Variants in PAN3 observed in about 807,000 individuals in gnomAD.
PAN3 encodes the protein poly(A) specific ribonuclease subunit PAN3.
In PAN3, 19 loss-of-function variants were observed where a neutral mutation model predicts 96.2. The observed-to-expected ratio is 0.20, with a 90% CI of 0.14 to 0.29. PAN3 has a LOEUF of 0.29. PAN3 is among the 10% of genes least tolerant of loss of function. The pLI, the probability that PAN3 is intolerant of heterozygous loss-of-function variation, is 1.00. For missense variants in PAN3, 882 were observed against 1,108.1 expected, an observed-to-expected ratio of 0.80 and a Z score of 2.90; for synonymous variants, 433 against 406.6, an observed-to-expected ratio of 1.06 and a Z score of -0.78.
chr13:28,141,882 A>G (rs1046818250), intron 1 of PAN3, among the ~76,000 whole-genome samples: 11 of 152,172 alleles, frequency 7.2e-5, no homozygotes, highest in African/African-American at 2.7e-4. Flanking sequence ...AAATATTAGC[A>G]GTGGCTCAAA....
chr13:28,264,223 A>G (rs1001530009), intron 9 of PAN3, among the ~76,000 whole-genome samples: 13 of 152,162 alleles, frequency 8.5e-5, no homozygotes, highest in African/African-American at 2.9e-4. Flanking sequence ...TGATAAATTG[A>G]TGCTCTTTTA....
At chr13:28,145,757 ATTTTT>A (rs895808998) in intron 1 of PAN3, among the ~76,000 whole-genome samples, 3 of 124,462 alleles carry the variant, frequency 2.4e-5, no homozygotes, top group Non-Finnish European at 3.4e-5. Flanking sequence ...TGCCAAGCTA[ATTTTT>A]TTTTTTTTTT....
intron 14 of PAN3, chr13:28,272,334 T>C (rs1886689750): frequency 4.1e-6 from 1 of 241,132 alleles, no homozygotes; most frequent in East Asian, 7.9e-5. Context: ...GCAGTGGTGC[T>C]GTCAGCTCAC....
chr13:28,165,903 T>C lies in PAN3; in HGVS notation c.431-8369T>C, dbSNP rs118179981. 2.6e-5 allele frequency among the ~76,000 whole-genome samples: 4 copies of C among 152,164 alleles called. No homozygotes were observed. The East Asian group carries it at 7.7e-4, about 29-fold the overall frequency. On this transcript the variant is annotated intron_variant, in intron 1 of 18. Transcript: ENST00000380958. Reference sequence around the variant, plus strand: ...TAATTCCATTAGCATCATGGCATGGTCCACCCTCATGACTTAATCACCATC... The same window carrying C: ...TAATTCCATTAGCATCATGGCATGGCCCACCCTCATGACTTAATCACCATC...
At chr13:28,198,855 T>G (rs1878380799) in intron 5 of PAN3, among the ~76,000 whole-genome samples, 1 of 152,198 alleles carries the variant, frequency 6.6e-6, no homozygotes, top group Non-Finnish European at 1.5e-5. Context: ...AGTATTTTGT[T>G]CTGTTTATTA....
intron 6 of PAN3, among the ~76,000 whole-genome samples, chr13:28,247,610 A>G (rs1361129215): frequency 6.6e-6 from 1 of 152,184 alleles, no homozygotes; most frequent in Non-Finnish European, 1.5e-5. Context: ...TGCATATGGT[A>G]AGAGAAAGGA....
At chr13:28,236,155 C>G (rs1242341631) in intron 6 of PAN3, among the ~76,000 whole-genome samples, 1 of 152,148 alleles carries the variant, frequency 6.6e-6, no homozygotes, top group African/African-American at 2.4e-5. Flanking sequence ...CATTTTTAAG[C>G]ATTTTAATGA....
At chr13:28,237,704 G>GA (rs1883239093) in intron 6 of PAN3, among the ~76,000 whole-genome samples, 1 of 152,136 alleles carries the variant, frequency 6.6e-6, no homozygotes, top group Non-Finnish European at 1.5e-5. Flanking sequence ...AATTAACTTT[G>GA]TATCCCTCAA....
intron 9 of PAN3, among the ~76,000 whole-genome samples, chr13:28,264,800 TC>T (rs1886024653): frequency 6.6e-6 from 1 of 152,184 alleles, no homozygotes; most frequent in South Asian, 2.1e-4. Flanking sequence ...GGATCCCACT[TC>T]AGATTGTATC....
At chr13:28,229,190 G>C (rs1417030122) in intron 6 of PAN3, among the ~76,000 whole-genome samples, 1 of 152,144 alleles carries the variant, frequency 6.6e-6, no homozygotes, top group Admixed American at 6.5e-5. Context: ...TTTAACAGTT[G>C]ATCCTGGTTA....
In PAN3 at chr13:28,277,496, A is replaced by C. The variant is rs1196945976; in HGVS notation, c.2189+120A>C. Reference sequence around the variant, plus strand: ...TAAAATCAAGCAAAACAGAAACTTTATGTCTTTATTTTTATTGCAAAGTAA... The same window carrying C: ...TAAAATCAAGCAAAACAGAAACTTTCTGTCTTTATTTTTATTGCAAAGTAA... On this transcript the variant is annotated intron_variant, in intron 15 of 18. Transcript: ENST00000380958. 3.0e-6 allele frequency: 3 copies of C among 985,126 alleles called. No individual in the cohort carries two copies. In the East Asian group the frequency reaches 8.2e-5, roughly 27 times the overall value. 61.0% of individuals were successfully genotyped at this position (985,126 alleles called of 1,614,324 possible). A position where few individuals can be genotyped will look rare whatever the true frequency, so the allele number is the denominator to read the frequency against.
chr13:28,275,111 T>G (rs1886952094), intron 14 of PAN3, among the ~76,000 whole-genome samples: 1 of 152,036 alleles, frequency 6.6e-6, no homozygotes, highest in Admixed American at 6.5e-5. Context: ...AAATGGAAAA[T>G]TATTTAGCTG....
In PAN3 at chr13:28,138,568, A is replaced by G; in HGVS notation, c.-90A>G. 4.0e-6 allele frequency: 1 copy of G among 253,062 alleles called. No homozygotes were observed. Among genetic ancestry groups the G allele is most frequent in the African/African-American group, 2.5e-5 (1 of 40,570 alleles). The allele number at this position is 253,062 out of a possible 1,614,324, so 15.7% of individuals were successfully genotyped here. On this transcript the variant is annotated 5_prime_UTR_variant, in exon 1 of 19. Coordinates refer to ENST00000380958, the MANE Select transcript of PAN3 (RefSeq NM_175854.8). ...CCACCCGCCCAGGCTTTTATCCGGC[A>G]CCGGCAGCGTCTTCCTTTCCTCCCC...
intron 4 of PAN3, among the ~76,000 whole-genome samples, chr13:28,178,257 G>A (rs7989924): frequency 0.29 from 44,344 of 151,948 alleles, 9,225 homozygotes; most frequent in African/African-American, 0.59. Flanking sequence ...TTGTAAGCAT[G>A]TTAATCATGT....
rs140826983 is a variant in PAN3 at position 28,211,089 on chromosome 13, G to A, written c.853-9142G>A. On this transcript the variant is annotated intron_variant, in intron 5 of 18. Transcript: ENST00000380958. Reference sequence around the variant, plus strand: ...AAAAATTTTTTTTTTTTTGTAGAGAGAGTGTCTCTTCTTGTTGCCCAGGCT... The same window carrying A: ...AAAAATTTTTTTTTTTTTGTAGAGAAAGTGTCTCTTCTTGTTGCCCAGGCT... Among the ~76,000 whole-genome samples, 320 of 151,712 alleles carry A rather than the reference G, an allele frequency of 2.1e-3. 1 individual carries two copies. Among genetic ancestry groups the A allele is most frequent in the African/African-American group, 7.4e-3 (305 of 41,366 alleles).
chr13:28,248,650 G>A (rs950018878), intron 6 of PAN3, among the ~76,000 whole-genome samples: 6 of 152,084 alleles, frequency 3.9e-5, no homozygotes, highest in African/African-American at 9.7e-5. Context: ...TCAGCCTCCT[G>A]AGTAGCTGGG....
intron 9 of PAN3, 107 bp downstream of exon 9, chr13:28,261,565 G>C: frequency 1.1e-6 from 1 of 908,606 alleles, no homozygotes. Flanking sequence ...GGGCCTGGTG[G>C]CTCATACCTG....
chr13:28,194,258 T>G (rs1877688751), intron 4 of PAN3, among the ~76,000 whole-genome samples: 1 of 151,658 alleles, frequency 6.6e-6, no homozygotes, highest in Admixed American at 6.6e-5. Context: ...CATTCAGATA[T>G]ATGACCTGGA....
chr13:28,243,203 A>G (rs931420055), intron 6 of PAN3, among the ~76,000 whole-genome samples: 19 of 152,166 alleles, frequency 1.2e-4, no homozygotes, highest in Admixed American at 1.0e-3. Context: ...TACTGATTTT[A>G]AAAAGAATGT....
Sources: gnomAD v4.1 joint callset for allele counts (sites outside exome capture counted in the v4.1 genomes callset) on GRCh38, gnomAD v4.1.1 for gene constraint, MANE v1.5 for transcripts, NCBI Gene and HGNC (gene_info 2026-07-23, HGNC 2026-07-21) for gene names.